The following SV2C variants were observed in gnomAD, a reference collection of about 807,000 sequenced individuals.
The protein encoded by SV2C is synaptic vesicle glycoprotein 2C, also known as solute carrier family 22 member B3.
In SV2C, 49 loss-of-function variants were observed where a neutral mutation model predicts 79.7. The ratio of observed to expected loss-of-function variants is 0.61; its 90% CI spans 0.49 to 0.78. The LOEUF is 0.78. Among genes scored for constraint, SV2C ranks in the 30% least tolerant of loss-of-function variants. The pLI, the probability that SV2C is intolerant of heterozygous loss-of-function variation, is 0.00. For synonymous variants in SV2C, 334 were observed against 333.2 expected (o/e 1.00, Z -0.03); for missense variants, 833 against 912.9 (o/e 0.91, Z 1.13).
intron 8 of SV2C, among the ~76,000 whole-genome samples, chr5:76,294,273 T>C (rs72775728): frequency 0.017 from 2,650 of 151,564 alleles, 48 homozygotes; most frequent in Middle Eastern, 0.056. Context: ...TTAATTTTAA[T>C]ACTACATTTT....
intron 4 of SV2C, among the ~76,000 whole-genome samples, chr5:76,262,866 T>C (rs916685184): frequency 6.6e-6 from 1 of 152,246 alleles, no homozygotes; most frequent in African/African-American, 2.4e-5. Flanking sequence ...TGGTTTATTT[T>C]AGAATAAGTA....
chr5:76,178,551 A>G (rs985145506), intron 2 of SV2C, among the ~76,000 whole-genome samples: 2 of 152,258 alleles, frequency 1.3e-5, no homozygotes, highest in African/African-American at 4.8e-5. Flanking sequence ...ACATTTAAAA[A>G]TAATGATTGC....
At chr5:76,257,915 T>G (rs1271200743) in intron 4 of SV2C, among the ~76,000 whole-genome samples, 1 of 149,572 alleles carries the variant, frequency 6.7e-6, no homozygotes, top group Non-Finnish European at 1.5e-5. Flanking sequence ...TGGGTGTGTG[T>G]GGTGTGTGTA....
At chr5:75,914,965 T>G in the SV2C span, among the ~76,000 whole-genome samples, 1 of 152,208 alleles carries the variant, frequency 6.6e-6, no homozygotes, top group Non-Finnish European at 1.5e-5. Flanking sequence ...ACATCTCATG[T>G]GGTGGCAGAC....
At chr5:76,053,430 C>T in the SV2C span, among the ~76,000 whole-genome samples, 19 of 152,094 alleles carry the variant, frequency 1.2e-4, no homozygotes, top group African/African-American at 4.6e-4. Flanking sequence ...TATCATTCAG[C>T]TTCTAGTCGT....
the SV2C span, among the ~76,000 whole-genome samples, chr5:76,033,928 C>G: frequency 6.6e-6 from 1 of 152,028 alleles, no homozygotes; most frequent in Non-Finnish European, 1.5e-5. Context: ...TTTCCTTGAG[C>G]AGTGGTTTGT....
chr5:76,238,681 A>T (rs1380603622), intron 4 of SV2C, among the ~76,000 whole-genome samples: 1 of 152,156 alleles, frequency 6.6e-6, no homozygotes, highest in Non-Finnish European at 1.5e-5. Flanking sequence ...AGGTACTCTA[A>T]TTGTTTGAAT....
Position 76,207,428 on chromosome 5 carries a change from A to G in SV2C, c.762-2308A>G, listed in dbSNP as rs1744640092. 2.6e-5 allele frequency among the ~76,000 whole-genome samples: 4 copies of G among 152,214 alleles called. No individual in the cohort carries two copies. The South Asian group carries it at 8.3e-4, about 32-fold the overall frequency. On this transcript the variant is annotated intron_variant, in intron 3 of 12. Transcript: ENST00000502798. ...TTCTTCACATCAAATGAAGAAAAGG[A>G]GTAGTATTAAATTATTTGTGACACA...
chr5:76,312,580 G>A lies in SV2C; in HGVS notation c.2000+11035G>A, dbSNP rs183602314. The stretch of plus-strand genomic sequence containing the variant: ...TAGGGGCCATCTTTACCCCTCCTCC[G>A]TGGCGCTCGGGGCCAGGAGCGCACA... On this transcript the variant is annotated intron_variant, in intron 12 of 12. Coordinates refer to ENST00000502798, the MANE Select transcript of SV2C (RefSeq NM_014979.4). Among the ~76,000 whole-genome samples, 138 of 152,194 alleles carry A rather than the reference G, an allele frequency of 9.1e-4. No homozygotes were observed. In the East Asian group the frequency reaches 0.022, roughly 25 times the overall value.
the SV2C span, among the ~76,000 whole-genome samples, chr5:75,996,396 A>G: frequency 8.5e-5 from 13 of 152,134 alleles, no homozygotes; most frequent in Admixed American, 6.6e-5. Context: ...GCCTTGTAGT[A>G]TAGTTTGAAG....
rs1010038423 is a variant in SV2C at position 76,182,165 on chromosome 5, G to A, written c.581-12754G>A. 3.3e-5 allele frequency among the ~76,000 whole-genome samples: 5 copies of A among 152,112 alleles called. No homozygotes were observed. The East Asian group carries it at 9.6e-4, about 29-fold the overall frequency. ...CAGCTGTATTGACCACTGCTTTATT[G>A]ATTTGCATGTGTTGCCTGCTCTGCC... On this transcript the variant is annotated intron_variant, in intron 2 of 12. Transcript: ENST00000502798.
the SV2C span, among the ~76,000 whole-genome samples, chr5:75,874,553 C>T: frequency 6.6e-6 from 1 of 152,074 alleles, no homozygotes; most frequent in Non-Finnish European, 1.5e-5. Flanking sequence ...AAGTCCCAGC[C>T]AGAGCAATCA....
chr5:76,039,581 C>A, the SV2C span, among the ~76,000 whole-genome samples: 1 of 151,936 alleles, frequency 6.6e-6, no homozygotes, highest in Non-Finnish European at 1.5e-5. Flanking sequence ...CATGGTGAAA[C>A]CCTGTCTCTA....
chr5:76,277,699 G>T (rs1373912496), intron 4 of SV2C, among the ~76,000 whole-genome samples: 2 of 151,558 alleles, frequency 1.3e-5, no homozygotes, highest in East Asian at 3.9e-4. Flanking sequence ...AGCCAAGGCT[G>T]CAGTGCTGAG....
chr5:76,125,403 A>T (rs940758182), intron 1 of SV2C, among the ~76,000 whole-genome samples: 1 of 152,124 alleles, frequency 6.6e-6, no homozygotes, highest in African/African-American at 2.4e-5. Flanking sequence ...TTTATAATAG[A>T]GACATTAGAA....
At chr5:75,973,336 TA>T in the SV2C span, among the ~76,000 whole-genome samples, 12,938 of 150,162 alleles carry the variant, frequency 0.086, 644 homozygotes, top group South Asian at 0.17. Context: ...AATAATAAAA[TA>T]AAAAAAAATT....
the SV2C span, among the ~76,000 whole-genome samples, chr5:76,021,537 A>G: frequency 3.3e-4 from 50 of 152,326 alleles, no homozygotes; most frequent in African/African-American, 1.1e-3. Context: ...TATTCTCAGT[A>G]CCCAGCAATA....
At chr5:76,171,474 G>A (rs1169259507) in intron 2 of SV2C, among the ~76,000 whole-genome samples, 3 of 118,474 alleles carry the variant, frequency 2.5e-5, no homozygotes, top group African/African-American at 9.0e-5. Flanking sequence ...CGGCTGCCCC[G>A]TCTGAGAAGT....
the SV2C span, among the ~76,000 whole-genome samples, chr5:75,936,796 CG>C: frequency 6.6e-6 from 1 of 152,150 alleles, no homozygotes; most frequent in East Asian, 1.9e-4. Flanking sequence ...ATAGTCTTTA[CG>C]GCAAACCCAA....
Sources: gnomAD v4.1 joint callset for allele counts (sites outside exome capture counted in the v4.1 genomes callset) on GRCh38, gnomAD v4.1.1 for gene constraint, MANE v1.5 for transcripts, NCBI Gene and HGNC (gene_info 2026-07-23, HGNC 2026-07-21) for gene names.